Variants in C10orf90 observed in about 807,000 individuals in gnomAD.
The protein encoded by C10orf90 is (E2-independent) E3 ubiquitin-conjugating enzyme FATS.
C10orf90 carries 56 observed loss-of-function variants against 62.5 expected under a neutral mutation model. The observed-to-expected ratio is 0.90, with a 90% CI of 0.72 to 1.12. The LOEUF is 1.12. C10orf90 is among the 50% of genes most tolerant of loss of function. The pLI, the probability that C10orf90 is intolerant of heterozygous loss-of-function variation, is 0.00. For synonymous variants in C10orf90, 386 were observed against 340.4 expected (o/e 1.13, Z -1.47); for missense variants, 970 against 880.4 (o/e 1.10, Z -1.29).
intron 2 of C10orf90, among the ~76,000 whole-genome samples, chr10:126,551,776 T>C (rs1005578837): frequency 1.3e-5 from 2 of 152,226 alleles, no homozygotes; most frequent in East Asian, 3.9e-4. Flanking sequence ...GCTTTCCTTA[T>C]TGATAAGGGC....
At chr10:126,632,927 C>G (rs960072471) in intron 2 of C10orf90, among the ~76,000 whole-genome samples, 5 of 152,174 alleles carry the variant, frequency 3.3e-5, no homozygotes, top group Admixed American at 1.3e-4. Context: ...AACTGCCGAC[C>G]TGCAGCCCTG....
intron 2 of C10orf90, among the ~76,000 whole-genome samples, chr10:126,573,444 A>G (rs1318182951): frequency 2.0e-5 from 3 of 152,136 alleles, no homozygotes; most frequent in Non-Finnish European, 2.9e-5. Context: ...TGGAGGCAGA[A>G]ATTGGGCATA....
intron 2 of C10orf90, among the ~76,000 whole-genome samples, chr10:126,598,329 A>G (rs1236142532): frequency 1.3e-5 from 2 of 152,210 alleles, no homozygotes; most frequent in Admixed American, 6.5e-5. Context: ...TTACAAACTC[A>G]GGTGAATAAT....
intron 2 of C10orf90, among the ~76,000 whole-genome samples, chr10:126,529,564 G>C (rs913712465): frequency 5.3e-5 from 8 of 152,100 alleles, no homozygotes; most frequent in Admixed American, 1.3e-4. Flanking sequence ...AATAAGCAAA[G>C]ACAAAATAGG....
intron 2 of C10orf90, among the ~76,000 whole-genome samples, chr10:126,580,441 C>G (rs921191049): frequency 6.6e-6 from 1 of 152,124 alleles, no homozygotes; most frequent in African/African-American, 2.4e-5. Context: ...GGATCACAGT[C>G]AGGAGATGGA....
intron 1 of C10orf90, among the ~76,000 whole-genome samples, chr10:126,669,110 A>G (rs1269905811): frequency 6.6e-6 from 1 of 152,212 alleles, no homozygotes; most frequent in Admixed American, 6.5e-5. Flanking sequence ...CATCTGATTA[A>G]TTACTTGTGA....
chr10:126,519,426 T>A (rs1200391838), intron 2 of C10orf90, among the ~76,000 whole-genome samples: 1 of 152,126 alleles, frequency 6.6e-6, no homozygotes, highest in Non-Finnish European at 1.5e-5. Context: ...ACCCAAGAAA[T>A]GTGCAAATGG....
chr10:126,665,702 G>T (rs1312426301), intron 1 of C10orf90, among the ~76,000 whole-genome samples: 3 of 152,170 alleles, frequency 2.0e-5, no homozygotes, highest in Non-Finnish European at 4.4e-5. Context: ...TCCCCACCTG[G>T]AGGCAGTGTC....
intron 2 of C10orf90, among the ~76,000 whole-genome samples, chr10:126,551,146 T>C (rs1335143379): frequency 6.6e-6 from 1 of 152,248 alleles, no homozygotes; most frequent in African/African-American, 2.4e-5. Context: ...CTGTAAAACC[T>C]TGAAGAGGAC....
At chr10:126,426,136 G>C (rs1371769007) in intron 8 of C10orf90, 46 bp from the exon 9 acceptor site, 1 of 1,497,740 alleles carries the variant, frequency 6.7e-7, no homozygotes, top group South Asian at 1.1e-5. Flanking sequence ...TTGACAGCGT[G>C]CTCCCGCTGT....
chr10:126,615,317 A>G (rs1845518652), intron 2 of C10orf90, among the ~76,000 whole-genome samples: 1 of 152,182 alleles, frequency 6.6e-6, no homozygotes, highest in Admixed American at 6.5e-5. Flanking sequence ...CCACTTCTAC[A>G]AAGACCTACC....
At position 126,425,873 on chromosome 10, in the gene C10orf90, A is replaced by G. The variant is rs1466433971; in HGVS notation, c.2382T>C (p.Asn794=). The G allele has an allele frequency of 6.2e-7, 1 of 1,614,136 alleles. No homozygotes were observed. The highest frequency in any genetic ancestry group is 1.7e-5 in the Admixed American group (1 of 60,018). Residue 794 remains asparagine (N), a synonymous_variant, in exon 10 of 10, where the codon AAT becomes AAC. Coordinates refer to ENST00000488181, the MANE Select transcript of C10orf90 (RefSeq NM_001350921.2). ...KQLLDQLLQR[N]AV ...GCAGGGCAGCCTGTGGTTAGACCGC[A>G]TTCCTTTGAAGGAGCTGGTCCAGTA... is the stretch of plus-strand genomic sequence containing the variant.
intron 2 of C10orf90, among the ~76,000 whole-genome samples, chr10:126,589,882 T>A (rs73386807): frequency 0.01 from 1,537 of 152,232 alleles, 21 homozygotes; most frequent in African/African-American, 0.035. Context: ...ATGGGCGAAA[T>A]GCTCCAATTA....
At chr10:126,533,469 A>C (rs1159158113) in intron 2 of C10orf90, among the ~76,000 whole-genome samples, 1 of 152,202 alleles carries the variant, frequency 6.6e-6, no homozygotes, top group Non-Finnish European at 1.5e-5. Flanking sequence ...TCATGTAAAA[A>C]CCAGCTCAAA....
intron 2 of C10orf90, among the ~76,000 whole-genome samples, chr10:126,621,150 T>C (rs1845636548): frequency 6.6e-6 from 1 of 152,238 alleles, no homozygotes; most frequent in Non-Finnish European, 1.5e-5. Flanking sequence ...TATAGTTGTT[T>C]TGCCTCTGTT....
Position 126,571,642 on chromosome 10 carries a change from C to T in C10orf90, c.314-57703G>A, listed in dbSNP as rs559592716. On this transcript the variant is annotated intron_variant, in intron 2 of 9. Coordinates refer to ENST00000488181, the MANE Select transcript of C10orf90 (RefSeq NM_001350921.2). Reference sequence around the variant, plus strand: ...CCTGGCTTGAAAGGAGAAGTGTCTCCGGGAATAAGCAAGTGGGACCTGGGG... The same window carrying T: ...CCTGGCTTGAAAGGAGAAGTGTCTCTGGGAATAAGCAAGTGGGACCTGGGG... Among the ~76,000 whole-genome samples the T allele has an allele frequency of 2.2e-3, 341 of 152,228 alleles. 1 individual carries two copies. The highest frequency in any genetic ancestry group is 3.7e-3 in the Non-Finnish European group (253 of 67,996).
intron 2 of C10orf90, among the ~76,000 whole-genome samples, chr10:126,534,769 G>A (rs1436806): frequency 1 from 151,688 of 152,312 alleles, 75,535 homozygotes; most frequent in Middle Eastern, 1. Context: ...CAAATTGAAG[G>A]AATGGGGAGC....
intron 7 of C10orf90, among the ~76,000 whole-genome samples, chr10:126,437,272 T>A (rs572838052): frequency 1.8e-3 from 275 of 152,344 alleles, no homozygotes; most frequent in Non-Finnish European, 3.0e-3. Flanking sequence ...GATTGTATTT[T>A]CACATAAATG....
intron 2 of C10orf90, among the ~76,000 whole-genome samples, chr10:126,594,042 G>T (rs1273198065): frequency 6.6e-6 from 1 of 151,332 alleles, no homozygotes; most frequent in Non-Finnish European, 1.5e-5. Flanking sequence ...AGAGCCACAG[G>T]AGTGAAAAAG....
Sources: allele counts gnomAD v4.1 joint callset (sites outside exome capture counted in the v4.1 genomes callset), GRCh38; gene constraint gnomAD v4.1.1; transcripts MANE v1.5; gene names NCBI Gene and HGNC (gene_info 2026-07-23, HGNC 2026-07-21).